The following PNRC1 variants were observed in gnomAD, a reference collection of about 807,000 sequenced individuals.
PNRC1 encodes the protein proline rich nuclear receptor coactivator 1.
Under a neutral mutation model 20.2 loss-of-function variants are expected in PNRC1, and 6 were observed. That is an observed-to-expected ratio of 0.30 (90% CI 0.16 to 0.59). The LOEUF (loss-of-function observed/expected upper bound fraction) is 0.59. Among genes scored for constraint, PNRC1 ranks in the 20% least tolerant of loss-of-function variants. The pLI is 0.89. For synonymous variants in PNRC1, 202 were observed against 186.9 expected (o/e 1.08, Z -0.66); for missense variants, 488 against 430.2 (o/e 1.13, Z -1.19).
chr6:89,085,050 T>G lies in PNRC1; in HGVS notation c.*854T>G, dbSNP rs983901358. On this transcript the variant is annotated 3_prime_UTR_variant, in exon 2 of 2. Coordinates refer to ENST00000336032, the MANE Select transcript of PNRC1 (RefSeq NM_006813.3). Reference sequence around the variant, plus strand: ...TAGAGGCTGAGACGGGAGCATCTCTTGAGCCTGAGAAGTGGAGATTGCAAT... The same window carrying G: ...TAGAGGCTGAGACGGGAGCATCTCTGGAGCCTGAGAAGTGGAGATTGCAAT... 2.0e-5 allele frequency: 3 copies of G among 152,158 alleles called. No individual in the cohort carries two copies. Among genetic ancestry groups the G allele is most frequent in the Admixed American group, 2.0e-4 (3 of 15,266 alleles). 9.4% of individuals were successfully genotyped at this position (152,158 alleles called of 1,614,324 possible).
At position 89,081,376 on chromosome 6, in the gene PNRC1, G is replaced by T. The variant is rs1381565761; in HGVS notation, c.482G>T (p.Ser161Ile). ...GCCGCAGCCGGCACGGAGGGAGCCA[G>T]CCCCGACCTTGCCCCGCTGCGGCCC... ...PAAAAGTEGA[S>I]PDLAPLRPAA... Residue 161 changes from serine (S) to isoleucine (I), a missense_variant, in exon 1 of 2, where the codon AGC becomes ATC. Transcript: ENST00000336032. The T allele has an allele frequency of 2.1e-6, 3 of 1,404,112 alleles. No individual in the cohort carries two copies. Among genetic ancestry groups the T allele is most frequent in the East Asian group, 3.0e-5 (1 of 32,904 alleles). The allele number at this position is 1,404,112 out of a possible 1,614,324, so 87.0% of individuals were successfully genotyped here. A position where few individuals can be genotyped will look rare whatever the true frequency, so the allele number is the denominator to read the frequency against.
chr6:89,081,387 G>T lies in PNRC1; in HGVS notation c.493G>T (p.Ala165Ser), dbSNP rs1767987926. ...AGTEGASPDL[A>S]PLRPAAPGQT... ...CACGGAGGGAGCCAGCCCCGACCTT[G>T]CCCCGCTGCGGCCCGCGGCTCCCGG... Residue 165 changes from alanine to serine, a missense_variant, in exon 1 of 2, where the codon GCC becomes TCC. Ala to Ser is a moderately conservative substitution (Grantham distance 99). Transcript: ENST00000336032. 1 of 1,364,482 alleles carries T rather than the reference G, an allele frequency of 7.3e-7. No individual in the cohort carries two copies. Among genetic ancestry groups the T allele is most frequent in the Non-Finnish European group, 9.4e-7 (1 of 1,067,580 alleles). 84.5% of individuals were successfully genotyped at this position (1,364,482 alleles called of 1,614,324 possible).
chr6:89,082,709 G>A (rs1003339544), intron 1 of PNRC1: 2 of 152,136 alleles, frequency 1.3e-5, no homozygotes, highest in African/African-American at 4.8e-5. Flanking sequence ...CTTCCTATAA[G>A]GCCCACTTAA....
chr6:89,081,907 A>G (rs908315566), intron 1 of PNRC1: 1 of 152,402 alleles, frequency 6.6e-6, no homozygotes, highest in Non-Finnish European at 1.5e-5. Context: ...CGGGAGCCCC[A>G]GTCCTAGTCG....
At chr6:89,081,490 C>A in intron 1 of PNRC1, 56 bp downstream of exon 1, 1 of 794,696 alleles carries the variant, frequency 1.3e-6, no homozygotes, top group Non-Finnish European at 1.5e-6. Flanking sequence ...CGCGGCCGAG[C>A]TCTGGGGCTG....
intron 1 of PNRC1, among the ~76,000 whole-genome samples, chr6:89,083,002 G>GTTT (rs5878087): frequency 2.7e-5 from 4 of 150,086 alleles, no homozygotes; most frequent in Non-Finnish European, 1.5e-5. Context: ...TAAGTTTTTT[G>GTTT]TTGTTTTTTT....
chr6:89,084,181 C>T lies in PNRC1; in HGVS notation c.969C>T (p.Leu323=). ...ELMAVHLKTL[L]KVQT is the part of the protein sequence containing the mutation. ...TGGCAGTACACTTAAAAACGCTCCT[C>T]AAAGTTCAAACTTAGATTTCAGATT... The change falls in exon 2 of 2, where the codon CTC becomes CTT. Residue 323 remains leucine (L), a synonymous_variant. Coordinates refer to ENST00000336032, the MANE Select transcript of PNRC1 (RefSeq NM_006813.3). 1 of 1,577,384 alleles carries T rather than the reference C, an allele frequency of 6.3e-7. No individual in the cohort carries two copies. Among genetic ancestry groups the T allele is most frequent in the Non-Finnish European group, 8.6e-7 (1 of 1,166,030 alleles).
intron 1 of PNRC1, among the ~76,000 whole-genome samples, 176 bp downstream of exon 1, chr6:89,081,610 G>C (rs1767999433): frequency 6.6e-6 from 1 of 152,064 alleles, no homozygotes; most frequent in African/African-American, 2.4e-5. Context: ...TTTGGGGGAA[G>C]AAGGGGGAAG....
At position 89,084,154 on chromosome 6, in the gene PNRC1, G is replaced by C. The variant is rs1385689047; in HGVS notation, c.942G>C (p.Leu314=). The C allele has an allele frequency of 6.2e-7, 1 of 1,607,140 alleles. No individual in the cohort carries two copies. Among genetic ancestry groups the C allele is most frequent in the East Asian group, 2.2e-5 (1 of 44,848 alleles). Residue 314 remains leucine (L), a synonymous_variant, in exon 2 of 2, where the codon CTG becomes CTC. Transcript: ENST00000336032. ...AAAATTCCAACCAAAACAGGGAGCT[G>C]ATGGCAGTACACTTAAAAACGCTCC... ...TVENSNQNRE[L]MAVHLKTLLK...
Position 89,083,813 on chromosome 6 carries a change from CATGGTATACACTTGT to C in PNRC1, c.605_619del (p.Gly202_Tyr206del). On this transcript the variant is annotated inframe_deletion, in exon 2 of 2. Transcript: ENST00000336032. ...TGCCCTTCCCCATGGCCAGCTTGTT[CATGGTATACACTTGT>C]ATGAGCAACCAAAGATAAACAGACA... 1 of 1,606,826 alleles carries C rather than the reference CATGGTATACACTTGT, an allele frequency of 6.2e-7. No homozygotes were observed. The highest frequency in any genetic ancestry group is 8.5e-7 in the Non-Finnish European group (1 of 1,178,104).
Position 89,081,450 on chromosome 6 carries a change from G to A in PNRC1, c.540+16G>A, listed in dbSNP as rs1767991190. The A allele has an allele frequency of 1.5e-6, 2 of 1,293,498 alleles. No homozygotes were observed. Among genetic ancestry groups the A allele is most frequent in the Admixed American group, 4.2e-5 (1 of 23,606 alleles). The allele number at this position is 1,293,498 out of a possible 1,614,324, so 80.1% of individuals were successfully genotyped here. A position where few individuals can be genotyped will look rare whatever the true frequency, so the allele number is the denominator to read the frequency against. On this transcript the variant is annotated intron_variant, in intron 1 of 1. Transcript: ENST00000336032. ...CAGGAAAGAGGTGAGGCCGCCAGGGGGCCGTTGGGGAGTCGGGCCCTTAGA... is the reference window on the plus strand; with the variant it reads ...CAGGAAAGAGGTGAGGCCGCCAGGGAGCCGTTGGGGAGTCGGGCCCTTAGA...
At position 89,084,302 on chromosome 6, in the gene PNRC1, G is replaced by A. The variant is rs1194336659; in HGVS notation, c.*106G>A. On this transcript the variant is annotated 3_prime_UTR_variant, in exon 2 of 2. Coordinates refer to ENST00000336032, the MANE Select transcript of PNRC1 (RefSeq NM_006813.3). ...ATTTGCCTTGTTGCAACATACAATT[G>A]CAAAAGATGAGTTTAAAAAATTACA... is the stretch of plus-strand genomic sequence containing the variant. 1.4e-6 allele frequency: 1 copy of A among 691,338 alleles called. No individual in the cohort carries two copies. The highest frequency in any genetic ancestry group is 2.4e-6 in the Non-Finnish European group (1 of 417,166). The allele number at this position is 691,338 out of a possible 1,614,324, so 42.8% of individuals were successfully genotyped here.
chr6:89,081,547 G>GCCCCCCCCCCCCCCC, intron 1 of PNRC1, 113 bp downstream of exon 1: 1 of 279,970 alleles, frequency 3.6e-6, no homozygotes, highest in Non-Finnish European at 6.4e-6. Context: ...GGGGTGGGGG[G>GCCCCCCCCCCCCCCC]GGCGGCTGTT....
rs188230479 is a variant in PNRC1, at chr6:89,084,414, T to C, written c.*218T>C. The stretch of plus-strand genomic sequence containing the variant: ...TATTGTTCATACTTGAGAGGTATAT[T>C]ATAGTTTTGTTATGAAAGTATGTAT... On this transcript the variant is annotated 3_prime_UTR_variant, in exon 2 of 2. Transcript: ENST00000336032. 2.9e-5 allele frequency: 12 copies of C among 407,482 alleles called. No individual in the cohort carries two copies. In the East Asian group the frequency reaches 5.2e-4, roughly 18 times the overall value. 25.2% of individuals were successfully genotyped at this position (407,482 alleles called of 1,614,324 possible).
In PNRC1 at chr6:89,084,255, G is replaced by C; in HGVS notation, c.*59G>C. On this transcript the variant is annotated 3_prime_UTR_variant, in exon 2 of 2. Transcript: ENST00000336032. ...TTTTCCCATATCCCTGGACTCTTGA[G>C]AAAATTGGTACAGAAATGGAAATTT... 8.2e-7 allele frequency: 1 copy of C among 1,213,248 alleles called. No homozygotes were observed. The highest frequency in any genetic ancestry group is 1.1e-6 in the Non-Finnish European group (1 of 873,740). 75.2% of individuals were successfully genotyped at this position (1,213,248 alleles called of 1,614,324 possible).
In PNRC1 at chr6:89,081,212, C is replaced by G; in HGVS notation, c.318C>G (p.Pro106=). 1 of 1,559,694 alleles carries G rather than the reference C, an allele frequency of 6.4e-7. No homozygotes were observed. The highest frequency in any genetic ancestry group is 8.6e-7 in the Non-Finnish European group (1 of 1,161,232). The change falls in exon 1 of 2, where the codon CCC becomes CCG. Residue 106 remains proline, a synonymous_variant. Coordinates refer to ENST00000336032, the MANE Select transcript of PNRC1 (RefSeq NM_006813.3). Reference sequence around the variant, plus strand: ...GAAAGAAGAAGGTGCGGGCCAGCCCCGCAGGGCAGCTGCCCAGCCGCTTCC... The same window carrying G: ...GAAAGAAGAAGGTGCGGGCCAGCCCGGCAGGGCAGCTGCCCAGCCGCTTCC... ...KRRKKKVRAS[P]AGQLPSRFHQ... is the part of the protein sequence containing the mutation.
rs199824026 is a variant in PNRC1 at position 89,083,839 on chromosome 6, A to G, written c.627A>G (p.Pro209=). The part of the protein sequence containing the change: ...LVHGIHLYEQ[P]KINRQKSKYN... ...ATGGTATACACTTGTATGAGCAACC[A>G]AAGATAAACAGACAGAAAAGCAAAT... The change falls in exon 2 of 2, where the codon CCA becomes CCG. Residue 209 remains proline (P), a synonymous_variant. Transcript: ENST00000336032. 1 of 1,614,122 alleles carries G rather than the reference A, an allele frequency of 6.2e-7. No homozygotes were observed. Among genetic ancestry groups the G allele is most frequent in the Non-Finnish European group, 8.5e-7 (1 of 1,179,976 alleles).
In PNRC1 at chr6:89,081,407, TC is replaced by T; in HGVS notation, c.516del (p.Gly173AlafsTer10). 7.5e-7 allele frequency: 1 copy of T among 1,340,528 alleles called. No individual in the cohort carries two copies. Among genetic ancestry groups the T allele is most frequent in the Non-Finnish European group, 9.5e-7 (1 of 1,054,278 alleles). The allele number at this position is 1,340,528 out of a possible 1,614,324, so 83.0% of individuals were successfully genotyped here. On this transcript the variant is annotated frameshift_variant, in exon 1 of 2. Coordinates refer to ENST00000336032, the MANE Select transcript of PNRC1 (RefSeq NM_006813.3). LOFTEE classifies it high-confidence loss of function. ...ACCTTGCCCCGCTGCGGCCCGCGGC[TC>T]CCGGCCAAACCCCCCTCAGGAAAGA... ...PDLAPLRPAA[P>X]GQTPLRKEVL...
At position 89,085,154 on chromosome 6, in the gene PNRC1, A is replaced by G. The variant is rs755583022; in HGVS notation, c.*958A>G. The G allele has an allele frequency of 3.3e-5, 5 of 152,208 alleles. No homozygotes were observed. The highest frequency in any genetic ancestry group is 6.5e-5 in the Admixed American group (1 of 15,280). The allele number at this position is 152,208 out of a possible 1,614,324, so 9.4% of individuals were successfully genotyped here. A position where few individuals can be genotyped will look rare whatever the true frequency, so the allele number is the denominator to read the frequency against. ...AAAAAAGGCCAAGAGAAAGTAAGGGAGACAGATTTTGAGTGGGAATGTTAA... is the reference window on the plus strand; with the variant it reads ...AAAAAAGGCCAAGAGAAAGTAAGGGGGACAGATTTTGAGTGGGAATGTTAA... On this transcript the variant is annotated 3_prime_UTR_variant, in exon 2 of 2. Transcript: ENST00000336032.
Sources: gnomAD v4.1 joint callset for allele counts (sites outside exome capture counted in the v4.1 genomes callset) on GRCh38, gnomAD v4.1.1 for gene constraint, MANE v1.5 for transcripts, NCBI Gene and HGNC (gene_info 2026-07-23, HGNC 2026-07-21) for gene names.